EYS: variants seen among roughly 807,000 people sequenced by gnomAD.
EYS encodes protein eyes shut homolog.
In EYS, 250 loss-of-function variants were observed where a neutral mutation model predicts 282.1. That is an observed-to-expected ratio of 0.89 (90% CI 0.80 to 0.98). The LOEUF (loss-of-function observed/expected upper bound fraction) is 0.98. Among genes scored for constraint, EYS ranks in the 50% least tolerant of loss-of-function variants. The pLI is 0.00. For synonymous variants in EYS, 1,355 were observed against 1,282.9 expected (o/e 1.06, Z -1.20); for missense variants, 4,016 against 3,709.0 (o/e 1.08, Z -2.15).
At chr6:65,278,681 T>C (rs1298030558) in intron 12 of EYS, among the ~76,000 whole-genome samples, 2 of 152,114 alleles carry the variant, frequency 1.3e-5, no homozygotes, top group South Asian at 2.1e-4. Context: ...CACTATTGTA[T>C]ATAATTTATC....
At chr6:64,843,337 G>T (rs1421138662) in intron 19 of EYS, among the ~76,000 whole-genome samples, 3 of 152,172 alleles carry the variant, frequency 2.0e-5, no homozygotes, top group African/African-American at 7.2e-5. Context: ...TCCACTGACA[G>T]CTTGCACAGT....
intron 26 of EYS, among the ~76,000 whole-genome samples, chr6:64,567,314 GAC>G (rs1338563271): frequency 1.3e-5 from 2 of 152,190 alleles, no homozygotes; most frequent in South Asian, 4.2e-4. Context: ...CTGTTAAACT[GAC>G]ACTCTCTAAG....
intron 2 of EYS, among the ~76,000 whole-genome samples, chr6:65,524,355 G>A (rs1447067143): frequency 2.6e-5 from 4 of 152,112 alleles, no homozygotes; most frequent in Admixed American, 2.6e-4. Context: ...TGGAACTAAC[G>A]GATTTAGGCC....
intron 12 of EYS, among the ~76,000 whole-genome samples, chr6:65,161,468 T>G (rs1764849323): frequency 6.6e-6 from 1 of 151,102 alleles, no homozygotes; most frequent in South Asian, 2.1e-4. Context: ...TTTCCTCCAA[T>G]TTTATTTATA....
intron 12 of EYS, among the ~76,000 whole-genome samples, chr6:65,091,069 A>C (rs1019862389): frequency 2.0e-5 from 3 of 152,028 alleles, no homozygotes; most frequent in African/African-American, 7.2e-5. Flanking sequence ...ATAAGAAATA[A>C]ACACTAATTG....
chr6:63,880,152 GAGGGTGTTGCCAA>G (rs1258190441), intron 35 of EYS, among the ~76,000 whole-genome samples: 1 of 152,216 alleles, frequency 6.6e-6, no homozygotes, highest in African/African-American at 2.4e-5. Context: ...ATGTGTCTGT[GAGGGTGTTGCCAA>G]AGGACATTAA....
At chr6:63,975,695 A>C (rs1236369617) in intron 35 of EYS, among the ~76,000 whole-genome samples, 1 of 152,024 alleles carries the variant, frequency 6.6e-6, no homozygotes, top group East Asian at 1.9e-4. Flanking sequence ...TGTTCAGAAA[A>C]GATTCAAAAC....
chr6:64,181,695 T>TA (rs1437891724), intron 31 of EYS, among the ~76,000 whole-genome samples: 4 of 152,018 alleles, frequency 2.6e-5, no homozygotes, highest in Non-Finnish European at 5.9e-5. Flanking sequence ...CCCAGTCCAC[T>TA]AAAAAACGTG....
intron 29 of EYS, among the ~76,000 whole-genome samples, chr6:64,355,961 C>A (rs919750565): frequency 2.6e-5 from 4 of 151,618 alleles, no homozygotes; most frequent in African/African-American, 9.7e-5. Context: ...CTCTGCAAAT[C>A]GTTATGTGCA....
chr6:64,618,220 C>T (rs541238877), intron 23 of EYS, among the ~76,000 whole-genome samples: 1 of 152,248 alleles, frequency 6.6e-6, no homozygotes, highest in Non-Finnish European at 1.5e-5. Flanking sequence ...ACCAACATTG[C>T]TAAGTATTCC....
At chr6:65,122,400 A>C (rs893669228) in intron 12 of EYS, among the ~76,000 whole-genome samples, 1 of 152,134 alleles carries the variant, frequency 6.6e-6, no homozygotes, top group African/African-American at 2.4e-5. Flanking sequence ...AATTGGGCTT[A>C]TGCACTGGAT....
intron 29 of EYS, among the ~76,000 whole-genome samples, chr6:64,380,417 A>G (rs2150419381): frequency 6.6e-6 from 1 of 152,288 alleles, no homozygotes; most frequent in African/African-American, 2.4e-5. Flanking sequence ...ATGTACGGAC[A>G]TTTTTCACAG....
intron 30 of EYS, among the ~76,000 whole-genome samples, chr6:64,263,758 T>G (rs1767664465): frequency 6.6e-6 from 1 of 152,128 alleles, no homozygotes; most frequent in Non-Finnish European, 1.5e-5. Flanking sequence ...AGACCCTTAT[T>G]AAATGTAGAT....
At chr6:65,389,097 G>C (rs1313127775) in intron 7 of EYS, among the ~76,000 whole-genome samples, 1 of 152,028 alleles carries the variant, frequency 6.6e-6, no homozygotes, top group Non-Finnish European at 1.5e-5. Context: ...CTTTGCATGT[G>C]CCCTTGTGTC....
In EYS at chr6:64,285,171, C is replaced by T. The variant is rs183935155; in HGVS notation, c.6191+21799G>A. On this transcript the variant is annotated intron_variant, in intron 30 of 42. Transcript: ENST00000503581. Reference sequence around the variant, plus strand: ...TTAAAACTGAATTCCTTTAACAACACCAAAATCACCTCTTGAATGCTTTAT... The same window carrying T: ...TTAAAACTGAATTCCTTTAACAACATCAAAATCACCTCTTGAATGCTTTAT... Among the ~76,000 whole-genome samples, 461 of 152,226 alleles carry T rather than the reference C, an allele frequency of 3.0e-3. 5 individuals carry two copies. Among genetic ancestry groups the T allele is most frequent in the Non-Finnish European group, 4.0e-3 (272 of 68,018 alleles).
intron 26 of EYS, among the ~76,000 whole-genome samples, chr6:64,566,459 T>C (rs184393790): frequency 4.5e-4 from 69 of 152,318 alleles, no homozygotes; most frequent in African/African-American, 1.6e-3. Flanking sequence ...ATGTTAATAA[T>C]AAGCAATGTT....
chr6:65,011,196 A>C (rs540234900), intron 13 of EYS, among the ~76,000 whole-genome samples: 2 of 152,302 alleles, frequency 1.3e-5, no homozygotes, highest in Non-Finnish European at 2.9e-5. Context: ...AAAACCCTTC[A>C]CCAAACCTTT....
chr6:64,126,363 A>G (rs968755047), intron 31 of EYS, among the ~76,000 whole-genome samples: 3 of 121,658 alleles, frequency 2.5e-5, no homozygotes, highest in African/African-American at 8.7e-5. Flanking sequence ...ACCATGGAAT[A>G]CAATGCACTA....
At chr6:64,109,414 G>T (rs147017473) in intron 31 of EYS, among the ~76,000 whole-genome samples, 63 of 151,878 alleles carry the variant, frequency 4.1e-4, no homozygotes, top group African/African-American at 1.5e-3. Context: ...CTGTGGAAAG[G>T]CATTTTAAAT....
Sources: gnomAD v4.1 joint callset for allele counts (sites outside exome capture counted in the v4.1 genomes callset) on GRCh38, gnomAD v4.1.1 for gene constraint, MANE v1.5 for transcripts, NCBI Gene and HGNC (gene_info 2026-07-23, HGNC 2026-07-21) for gene names.